Variants in GOLGA8T observed in about 807,000 individuals in gnomAD.
The protein encoded by GOLGA8T is golgin subfamily A member 8T.
GOLGA8T carries 17 observed loss-of-function variants against 52.0 expected under a neutral mutation model. That is an observed-to-expected ratio of 0.33 (90% CI 0.22 to 0.49). The LOEUF (loss-of-function observed/expected upper bound fraction) is 0.49. Ranked by LOEUF, GOLGA8T falls within the 20% of genes least tolerant of loss-of-function variation. The probability of loss-of-function intolerance (pLI) is 0.99; values close to 1 mark genes in which losing one functional copy is unlikely to be tolerated. For synonymous variants in GOLGA8T, 67 were observed against 169.5 expected (o/e 0.40, Z 4.70); for missense variants, 154 against 462.1 (o/e 0.33, Z 6.11).
intron 8 of GOLGA8T, among the ~76,000 whole-genome samples, chr15:30,140,563 C>T (rs867545666): frequency 7.4e-5 from 10 of 135,268 alleles, no homozygotes; most frequent in African/African-American, 2.2e-4. Flanking sequence ...CCTGGTGAAG[C>T]ATTCCACAAA....
At chr15:30,140,185 A>G (rs950838894) in intron 8 of GOLGA8T, 2 of 300,358 alleles carry the variant, frequency 6.7e-6, no homozygotes, top group African/African-American at 3.4e-5. Flanking sequence ...GTGTGTGCAT[A>G]CTGTGATAAT....
In GOLGA8T at chr15:30,142,782, CAAAAAA is replaced by C. The variant is rs58040553; in HGVS notation, c.1200+412_1200+417del. Among the ~76,000 whole-genome samples, 36 of 76,438 alleles carry C rather than the reference CAAAAAA, an allele frequency of 4.7e-4. 1 individual carries two copies. Among genetic ancestry groups the C allele is most frequent in the Non-Finnish European group, 7.3e-4 (33 of 45,102 alleles). The allele number at this position is 76,438 out of a possible 152,430, so 50.1% of individuals were successfully genotyped here. A position where few individuals can be genotyped will look rare whatever the true frequency, so the allele number is the denominator to read the frequency against. Reference sequence around the variant, plus strand: ...TAAAACCTCATCTCTACTAAAATTACAAAAAAAAAAAAAAAAATTAGCAGGACATTG... The same window carrying C: ...TAAAACCTCATCTCTACTAAAATTACAAAAAAAAAAATTAGCAGGACATTG... On this transcript the variant is annotated intron_variant, in intron 13 of 18. Coordinates refer to ENST00000569052, the MANE Select transcript of GOLGA8T (RefSeq NM_001355469.2).
rs1346389645 is a variant in GOLGA8T at position 30,141,491 on chromosome 15, G to T, written c.874+66G>T. 15 of 1,439,480 alleles carry T rather than the reference G, an allele frequency of 1.0e-5. 3 individuals carry two copies. Among genetic ancestry groups the T allele is most frequent in the Admixed American group, 1.8e-5 (1 of 56,936 alleles). The allele number at this position is 1,439,480 out of a possible 1,614,324, so 89.2% of individuals were successfully genotyped here. ...CAGAGGGCTGTGAGGGTGGCTTAGA[G>T]TGCCCCAGGGAGGTGGGTGGATGGA... On this transcript the variant is annotated intron_variant, in intron 11 of 18. Transcript: ENST00000569052.
rs2057844666 is a variant in GOLGA8T, at chr15:30,148,370, A to T, written c.*2803A>T. Reference sequence around the variant, plus strand: ...AAAAAAAAATCAGCTCTAAAACCAAAGCGATTTTAGAAAATTTGAAAATGT... The same window carrying T: ...AAAAAAAAATCAGCTCTAAAACCAATGCGATTTTAGAAAATTTGAAAATGT... On this transcript the variant is annotated 3_prime_UTR_variant, in exon 19 of 19. Coordinates refer to ENST00000569052, the MANE Select transcript of GOLGA8T (RefSeq NM_001355469.2). 7.7e-6 allele frequency among the ~76,000 whole-genome samples: 1 copy of T among 130,630 alleles called. No homozygotes were observed. The highest frequency in any genetic ancestry group is 1.5e-5 in the Non-Finnish European group (1 of 65,812). 85.7% of individuals were successfully genotyped at this position (130,630 alleles called of 152,430 possible).
In GOLGA8T at chr15:30,145,573, A is replaced by G. The variant is rs1360054674; in HGVS notation, c.*6A>G. 5 of 1,464,044 alleles carry G rather than the reference A, an allele frequency of 3.4e-6. No homozygotes were observed. The highest frequency in any genetic ancestry group is 4.5e-6 in the Non-Finnish European group (5 of 1,103,292). The allele number at this position is 1,464,044 out of a possible 1,614,324, so 90.7% of individuals were successfully genotyped here. A position where few individuals can be genotyped will look rare whatever the true frequency, so the allele number is the denominator to read the frequency against. ...TGCCAAGAAGAAGGAGATAAACATC[A>G]CCATCCTCAAAGAGCTGCTCAAGAA... On this transcript the variant is annotated 3_prime_UTR_variant, in exon 19 of 19. Transcript: ENST00000569052.
chr15:30,145,953 A>G lies in GOLGA8T; in HGVS notation c.*386A>G, dbSNP rs1451581777. 4.1e-5 allele frequency among the ~76,000 whole-genome samples: 5 copies of G among 121,098 alleles called. No individual in the cohort carries two copies. The highest frequency in any genetic ancestry group is 2.6e-4 in the South Asian group (1 of 3,894). The allele number at this position is 121,098 out of a possible 152,430, so 79.4% of individuals were successfully genotyped here. On this transcript the variant is annotated 3_prime_UTR_variant, in exon 19 of 19. Coordinates refer to ENST00000569052, the MANE Select transcript of GOLGA8T (RefSeq NM_001355469.2). ...TGTTATTGCAGCATGTATATTCACT[A>G]CAGCATTCAGACAAAATTTGCCTAT...
At chr15:30,141,537 A>T (rs1224533141) in intron 11 of GOLGA8T, 112 bp downstream of exon 11, 3 of 733,738 alleles carry the variant, frequency 4.1e-6, no homozygotes, top group East Asian at 5.4e-5. Context: ...GGCAGAGGGA[A>T]AGAGATCTGT....
Position 30,141,303 on chromosome 15 carries a change from C to T in GOLGA8T, c.787-35C>T. 3.2e-6 allele frequency: 5 copies of T among 1,551,678 alleles called. 1 individual carries two copies. The South Asian group carries it at 5.7e-5, about 18-fold the overall frequency. ...GCAGCCTGTCCAGCCACCAGCCCCT[C>T]TCTCCAAGGCCCTTTCCCCTTGTGC... On this transcript the variant is annotated intron_variant, in intron 10 of 18. Coordinates refer to ENST00000569052, the MANE Select transcript of GOLGA8T (RefSeq NM_001355469.2).
rs1470416200 is a variant in GOLGA8T at position 30,148,710 on chromosome 15, G to A, written c.*3143G>A. 3.4e-5 allele frequency among the ~76,000 whole-genome samples: 5 copies of A among 147,104 alleles called. No homozygotes were observed. The highest frequency in any genetic ancestry group is 1.0e-4 in the African/African-American group (4 of 38,392). On this transcript the variant is annotated 3_prime_UTR_variant, in exon 19 of 19. Transcript: ENST00000569052. ...CCTAGAGTGGCCTTATTGACTGCTG[G>A]TGTGATGCCACTGTAATGTAATAAA...
chr15:30,143,314 C>G (rs2057771500), intron 13 of GOLGA8T, among the ~76,000 whole-genome samples: 1 of 110,856 alleles, frequency 9.0e-6, no homozygotes, highest in Non-Finnish European at 1.6e-5. Flanking sequence ...GCTGAAGAGC[C>G]AAGAGGCTCA....
intron 2 of GOLGA8T, among the ~76,000 whole-genome samples, chr15:30,137,414 C>T (rs929276638): frequency 8.4e-6 from 1 of 119,372 alleles, no homozygotes; most frequent in African/African-American, 3.5e-5. Context: ...GGTTTGAATC[C>T]TGCCTCTCCA....
intron 1 of GOLGA8T, among the ~76,000 whole-genome samples, 160 bp from the exon 2 acceptor site, chr15:30,136,702 TATCA>T (rs1427833265): frequency 6.7e-6 from 1 of 148,908 alleles, no homozygotes; most frequent in Non-Finnish European, 1.5e-5. Context: ...CTAGCCATGA[TATCA>T]ATCCTTCTCA....
chr15:30,142,481 C>T (rs1785340516), intron 13 of GOLGA8T, 99 bp downstream of exon 13: 1 of 1,546,054 alleles, frequency 6.5e-7, no homozygotes, highest in African/African-American at 1.5e-5. Flanking sequence ...AGCTTCCAGC[C>T]TGGGGGCTGG....
At chr15:30,140,572 A>G (rs1042824157) in intron 8 of GOLGA8T, among the ~76,000 whole-genome samples, 1 of 138,404 alleles carries the variant, frequency 7.2e-6, no homozygotes, top group Admixed American at 7.0e-5. Flanking sequence ...GCATTCCACA[A>G]AGGTTCAAAC....
At chr15:30,141,681 G>A in intron 11 of GOLGA8T, 121 bp from the exon 12 acceptor site, 2 of 621,726 alleles carry the variant, frequency 3.2e-6, no homozygotes, top group Non-Finnish European at 5.2e-6. Context: ...CTACCATCTG[G>A]GTGCGAGGAA....
At position 30,141,312 on chromosome 15, in the gene GOLGA8T, G is replaced by A. The variant is rs750638130; in HGVS notation, c.787-26G>A. 48 of 1,549,682 alleles carry A rather than the reference G, an allele frequency of 3.1e-5. 5 individuals are homozygous for A. The South Asian group carries it at 5.0e-4, about 16-fold the overall frequency. Reference sequence around the variant, plus strand: ...CCAGCCACCAGCCCCTCTCTCCAAGGCCCTTTCCCCTTGTGCTTTGGGCAG... The same window carrying A: ...CCAGCCACCAGCCCCTCTCTCCAAGACCCTTTCCCCTTGTGCTTTGGGCAG... On this transcript the variant is annotated intron_variant, in intron 10 of 18. Coordinates refer to ENST00000569052, the MANE Select transcript of GOLGA8T (RefSeq NM_001355469.2).
Position 30,142,062 on chromosome 15 carries a change from C to A in GOLGA8T, c.1131+4C>A, listed in dbSNP as rs905907098. 6 of 423,572 alleles carry A rather than the reference C, an allele frequency of 1.4e-5. 1 individual carries two copies. In the East Asian group the frequency reaches 1.9e-4, roughly 14 times the overall value. The allele number at this position is 423,572 out of a possible 1,614,324, so 26.2% of individuals were successfully genotyped here. A position where few individuals can be genotyped will look rare whatever the true frequency, so the allele number is the denominator to read the frequency against. ...ACAGAGCGTCTTCGAGGAGCCGGTGCGTTGCCCAAACTGGGGAGCTTGCCC... is the reference window on the plus strand; with the variant it reads ...ACAGAGCGTCTTCGAGGAGCCGGTGAGTTGCCCAAACTGGGGAGCTTGCCC... On this transcript the variant is annotated splice_donor_region_variant and intron_variant, in intron 12 of 18. Coordinates refer to ENST00000569052, the MANE Select transcript of GOLGA8T (RefSeq NM_001355469.2).
Position 30,140,883 on chromosome 15 carries a change from G to A in GOLGA8T, c.633G>A (p.Glu211=). The A allele has an allele frequency of 1.9e-6, 3 of 1,558,654 alleles. No individual in the cohort carries two copies. Among genetic ancestry groups the A allele is most frequent in the Non-Finnish European group, 2.6e-6 (3 of 1,160,910 alleles). ...RSKARTEWKL[E]QSMREETLLK... is the part of the protein sequence containing the mutation. ...AAGCACGTACGGAGTGGAAGTTAGA[G>A]CAGTCCATGCGGGAGGAGACACTAC... The change falls in exon 9 of 19, where the codon GAG becomes GAA. Residue 211 remains glutamate (E), a synonymous_variant. Coordinates refer to ENST00000569052, the MANE Select transcript of GOLGA8T (RefSeq NM_001355469.2).
In GOLGA8T at chr15:30,145,703, G is replaced by C; in HGVS notation, c.*136G>C. ...TGATTATTTGTGTTTCTAATTTATA[G>C]TTTAAGTTTATTTGTAAAAAGTTAA... On this transcript the variant is annotated 3_prime_UTR_variant, in exon 19 of 19. Coordinates refer to ENST00000569052, the MANE Select transcript of GOLGA8T (RefSeq NM_001355469.2). The C allele has an allele frequency of 3.5e-6, 3 of 865,406 alleles. No individual in the cohort carries two copies. Among genetic ancestry groups the C allele is most frequent in the Non-Finnish European group, 3.3e-6 (2 of 608,902 alleles). 53.6% of individuals were successfully genotyped at this position (865,406 alleles called of 1,614,324 possible).
Sources: allele counts gnomAD v4.1 joint callset (sites outside exome capture counted in the v4.1 genomes callset), GRCh38; gene constraint gnomAD v4.1.1; transcripts MANE v1.5; gene names NCBI Gene and HGNC (gene_info 2026-07-23, HGNC 2026-07-21).